The following GRM1 variants were observed in gnomAD, a reference collection of about 807,000 sequenced individuals.
The protein encoded by GRM1 is glutamate metabotropic receptor 1.
Under a neutral mutation model 90.9 loss-of-function variants are expected in GRM1, and 33 were observed. That is an observed-to-expected ratio of 0.36 (90% CI 0.28 to 0.49). GRM1 has a LOEUF of 0.49. Ranked by LOEUF, GRM1 falls within the 20% of genes least tolerant of loss-of-function variation. GRM1 has a pLI of 0.99. For synonymous variants in GRM1, 700 were observed against 613.2 expected, an observed-to-expected ratio of 1.14 and a Z score of -2.09; for missense variants, 1,190 against 1,534.3, an observed-to-expected ratio of 0.78 and a Z score of 3.75.
At chr6:146,259,549 G>A (rs1386151163) in intron 2 of GRM1, among the ~76,000 whole-genome samples, 2 of 152,106 alleles carry the variant, frequency 1.3e-5, no homozygotes, top group Non-Finnish European at 2.9e-5. Context: ...GCAGAATCAT[G>A]CAATAGTTGT....
chr6:146,214,791 A>C (rs1485178906), intron 2 of GRM1, among the ~76,000 whole-genome samples: 1 of 152,126 alleles, frequency 6.6e-6, no homozygotes, highest in Non-Finnish European at 1.5e-5. Context: ...AATAGGTAGG[A>C]CTTCACCAGA....
At chr6:146,198,392 C>T (rs1453688718) in intron 2 of GRM1, among the ~76,000 whole-genome samples, 2 of 152,132 alleles carry the variant, frequency 1.3e-5, no homozygotes. Flanking sequence ...TCAAGTTTAA[C>T]AGTCTCCCAC....
At chr6:146,392,879 T>A (rs779742054) in intron 6 of GRM1, among the ~76,000 whole-genome samples, 1 of 152,224 alleles carries the variant, frequency 6.6e-6, no homozygotes, top group Non-Finnish European at 1.5e-5. Context: ...TCTTTTTATA[T>A]GACTGCATAG....
intron 2 of GRM1, among the ~76,000 whole-genome samples, chr6:146,167,721 G>C (rs904746406): frequency 6.6e-6 from 1 of 151,824 alleles, no homozygotes; most frequent in African/African-American, 2.4e-5. Flanking sequence ...ATGTCCATTT[G>C]GATTTTCAGG....
intron 7 of GRM1, among the ~76,000 whole-genome samples, chr6:146,433,644 A>G (rs911694496): frequency 1.3e-5 from 2 of 152,032 alleles, no homozygotes; most frequent in Non-Finnish European, 2.9e-5. Context: ...GAAAATAGCT[A>G]TTTCTACAAC....
chr6:146,345,993 C>T (rs562357619), intron 3 of GRM1, among the ~76,000 whole-genome samples: 1 of 152,330 alleles, frequency 6.6e-6, no homozygotes, highest in Non-Finnish European at 1.5e-5. Context: ...ACAGCAAAGG[C>T]ACACAGCAAG....
intron 2 of GRM1, among the ~76,000 whole-genome samples, chr6:146,198,464 G>C (rs1230166510): frequency 6.6e-6 from 1 of 152,204 alleles, no homozygotes; most frequent in African/African-American, 2.4e-5. Context: ...GAAAGTCTCA[G>C]TGGTTGCTAC....
intron 1 of GRM1, among the ~76,000 whole-genome samples, chr6:146,087,451 T>C (rs1164857316): frequency 6.6e-6 from 1 of 152,164 alleles, no homozygotes; most frequent in Non-Finnish European, 1.5e-5. Flanking sequence ...TGTGTGTGTG[T>C]GTCTGTGTTT....
chr6:146,436,248 G>A lies in GRM1; in HGVS notation c.*1452G>A, dbSNP rs1377141236. 6.6e-6 allele frequency: 1 copy of A among 152,132 alleles called. No individual in the cohort carries two copies. The highest frequency in any genetic ancestry group is 1.5e-5 in the Non-Finnish European group (1 of 68,014). The allele number at this position is 152,132 out of a possible 1,614,324, so 9.4% of individuals were successfully genotyped here. On this transcript the variant is annotated 3_prime_UTR_variant, in exon 8 of 8. Transcript: ENST00000282753. ...CAAGGTTTTCATATGCAGCTCGGAT[G>A]GACATTTTTCTTCTAAGATGGAACT...
chr6:146,354,553 T>C (rs1464352533), intron 4 of GRM1, among the ~76,000 whole-genome samples: 2 of 152,198 alleles, frequency 1.3e-5, no homozygotes, highest in Non-Finnish European at 2.9e-5. Flanking sequence ...TTACTTAAGC[T>C]TTCCCCTGGG....
rs138759146 is a variant in GRM1 at position 146,433,936 on chromosome 6, A to C, written c.2725A>C (p.Met909Leu). 305 of 1,613,584 alleles carry C rather than the reference A, an allele frequency of 1.9e-4. No homozygotes were observed. The highest frequency in any genetic ancestry group is 2.4e-4 in the Non-Finnish European group (280 of 1,179,582). The change falls in exon 8 of 8, where the codon ATG becomes CTG. Residue 909 changes from methionine to leucine, a missense_variant. By Grantham distance (15) the Met-to-Leu change is conservative. Transcript: ENST00000282753. ...AGGACAGGTGCCCAAGGGACAGCATATGTGGCACCGCCTCTCTGTGCACGT... is the reference window on the plus strand; with the variant it reads ...AGGACAGGTGCCCAAGGGACAGCATCTGTGGCACCGCCTCTCTGTGCACGT... ...GGGQVPKGQH[M>L]WHRLSVHVKT... is the part of the protein sequence containing the mutation.
chr6:146,265,104 G>A (rs1209249745), intron 2 of GRM1, among the ~76,000 whole-genome samples: 4 of 152,178 alleles, frequency 2.6e-5, no homozygotes, highest in South Asian at 4.1e-4. Flanking sequence ...TCGAGCAATC[G>A]CTACACTGTT....
intron 2 of GRM1, among the ~76,000 whole-genome samples, chr6:146,249,538 TTG>T (rs1434871745): frequency 6.6e-6 from 1 of 152,096 alleles, no homozygotes; most frequent in Non-Finnish European, 1.5e-5. Flanking sequence ...AAAACATGAA[TTG>T]TGGTTTGGGA....
chr6:146,065,016 A>G (rs1775800603), intron 1 of GRM1, among the ~76,000 whole-genome samples: 1 of 152,066 alleles, frequency 6.6e-6, no homozygotes, highest in Non-Finnish European at 1.5e-5. Context: ...GAATTTTTAT[A>G]TTGATTTACA....
intron 2 of GRM1, among the ~76,000 whole-genome samples, chr6:146,185,673 T>C (rs982456008): frequency 6.6e-6 from 1 of 152,168 alleles, no homozygotes; most frequent in Non-Finnish European, 1.5e-5. Flanking sequence ...GGAGTAAAAT[T>C]CTCTGAAAAC....
intron 7 of GRM1, among the ~76,000 whole-genome samples, chr6:146,415,886 G>A (rs1019539216): frequency 3.3e-5 from 5 of 152,000 alleles, no homozygotes; most frequent in African/African-American, 9.7e-5. Context: ...TATGTTACTG[G>A]GAAAATATAT....
rs150737748 is a variant in GRM1, at chr6:146,110,765, A to G, written c.701-48583A>G. Among the ~76,000 whole-genome samples, 47 of 152,300 alleles carry G rather than the reference A, an allele frequency of 3.1e-4. 1 individual carries two copies. In the East Asian group the frequency reaches 8.9e-3, roughly 29 times the overall value. ...GGCTGTTTTGTATGGTTATTTAACT[A>G]TGCCAAACTAGATGTTTAGAGATAA... is the stretch of plus-strand genomic sequence containing the variant. On this transcript the variant is annotated intron_variant, in intron 1 of 7. Transcript: ENST00000282753.
rs1290267791 is a variant in GRM1 at position 146,398,869 on chromosome 6, C to T, written c.1830C>T (p.Val610=). The T allele has an allele frequency of 6.2e-7, 1 of 1,613,626 alleles. No individual in the cohort carries two copies. Among genetic ancestry groups the T allele is most frequent in the East Asian group, 2.2e-5 (1 of 44,868 alleles). Residue 610 remains valine, a synonymous_variant, in exon 7 of 8, where the codon GTC becomes GTT. Transcript: ENST00000282753. ...TGGGAATCCTTGTTACCTTGTTTGT[C>T]ACCCTAATCTTTGTACTGTACCGGG... is the stretch of plus-strand genomic sequence containing the variant. ...SCLGILVTLF[V]TLIFVLYRDT...
At chr6:146,054,986 G>A (rs1018460093) in intron 1 of GRM1, among the ~76,000 whole-genome samples, 11 of 151,972 alleles carry the variant, frequency 7.2e-5, no homozygotes, top group East Asian at 1.9e-4. Context: ...GCTGAGTGCT[G>A]GATGAGTGAG....
Sources: allele counts gnomAD v4.1 joint callset (sites outside exome capture counted in the v4.1 genomes callset), GRCh38; gene constraint gnomAD v4.1.1; transcripts MANE v1.5; gene names NCBI Gene and HGNC (gene_info 2026-07-23, HGNC 2026-07-21).